The following UBXN8 variants were observed in gnomAD, a reference collection of about 807,000 sequenced individuals.
The protein encoded by UBXN8 is UBX domain protein 8.
UBXN8 carries 27 observed loss-of-function variants against 32.1 expected under a neutral mutation model. The observed-to-expected ratio is 0.84, with a 90% CI of 0.62 to 1.16. The LOEUF is 1.16. UBXN8 is among the 50% of genes most tolerant of loss of function. UBXN8 has a pLI of 0.00. For missense variants in UBXN8, 306 were observed against 311.4 expected (o/e 0.98, Z 0.13); for synonymous variants, 109 against 111.8 (o/e 0.98, Z 0.16).
chr8:30,758,853 G>A (rs1017117693), intron 5 of UBXN8, among the ~76,000 whole-genome samples: 14 of 149,356 alleles, frequency 9.4e-5, no homozygotes, highest in Admixed American at 6.7e-5. Context: ...TCCTGGAGAT[G>A]AAGTCATTGG....
In UBXN8 at chr8:30,744,669, T is replaced by C. The variant is rs558965300; in HGVS notation, c.88+392T>C. Among the ~76,000 whole-genome samples, 455 of 152,358 alleles carry C rather than the reference T, an allele frequency of 3.0e-3. 3 individuals carry two copies. Among genetic ancestry groups the C allele is most frequent in the African/African-American group, 0.01 (428 of 41,576 alleles). Reference sequence around the variant, plus strand: ...CCAGGCTGGTCTCGAACTCCTGGGTTCAAGAGATCCTCCTGCCTCGGCCTC... The same window carrying C: ...CCAGGCTGGTCTCGAACTCCTGGGTCCAAGAGATCCTCCTGCCTCGGCCTC... On this transcript the variant is annotated intron_variant, in intron 1 of 7. Transcript: ENST00000265616.
At chr8:30,760,059 C>CTTT (rs1239426126) in intron 5 of UBXN8, among the ~76,000 whole-genome samples, 36 of 98,462 alleles carry the variant, frequency 3.7e-4, no homozygotes, top group Admixed American at 1.2e-3. Context: ...ACTGAATTTT[C>CTTT]TTTTCTTTTT....
chr8:30,730,268 G>A (rs1054200512), upstream of UBXN8, among the ~76,000 whole-genome samples: 4 of 152,138 alleles, frequency 2.6e-5, no homozygotes, highest in African/African-American at 4.8e-5. Context: ...GGCACATGGC[G>A]GAGAGGCGTG....
upstream of UBXN8, among the ~76,000 whole-genome samples, chr8:30,739,561 T>TA (rs1247522832): frequency 1.3e-5 from 2 of 151,816 alleles, no homozygotes; most frequent in Admixed American, 1.3e-4. Context: ...AAAAATAAAA[T>TA]AAAAAAACTA....
intron 5 of UBXN8, among the ~76,000 whole-genome samples, chr8:30,758,174 G>A (rs1805714125): frequency 6.6e-6 from 1 of 152,150 alleles, no homozygotes; most frequent in African/African-American, 2.4e-5. Flanking sequence ...GGGATTACAG[G>A]CGTGAGCCAC....
chr8:30,765,026 G>T (rs769396349), intron 7 of UBXN8, among the ~76,000 whole-genome samples: 6 of 152,134 alleles, frequency 3.9e-5, no homozygotes. Flanking sequence ...CTCCAGTCTG[G>T]GAGACAGCAA....
At chr8:30,753,134 C>T (rs373437362) in intron 3 of UBXN8, 29 bp downstream of exon 3, 63 of 1,456,384 alleles carry the variant, frequency 4.3e-5, no homozygotes, top group Middle Eastern at 1.8e-4. Context: ...AGACTTTATG[C>T]GTAGAGAAAT....
At chr8:30,764,781 A>G (rs937307758) in intron 7 of UBXN8, among the ~76,000 whole-genome samples, 8 of 152,170 alleles carry the variant, frequency 5.3e-5, no homozygotes, top group African/African-American at 1.9e-4. Context: ...GCCGGGTACC[A>G]TGGCTCACGC....
At position 30,744,177 on chromosome 8, in the gene UBXN8, C is replaced by A. The variant is rs1351300708; in HGVS notation, c.-13C>A. On this transcript the variant is annotated 5_prime_UTR_variant, in exon 1 of 8. Coordinates refer to ENST00000265616, the MANE Select transcript of UBXN8 (RefSeq NM_005671.4). ...GGGCGGGCTTTCCGCCTGCACCAGG[C>A]GCTTCCGCCACCATGGCTTCACGTG... The A allele has an allele frequency of 3.1e-6, 5 of 1,610,452 alleles. No homozygotes were observed. Among genetic ancestry groups the A allele is most frequent in the Admixed American group, 3.4e-5 (2 of 59,256 alleles).
intron 2 of UBXN8, among the ~76,000 whole-genome samples, 154 bp downstream of exon 2, chr8:30,751,672 G>T (rs1428965753): frequency 6.6e-6 from 1 of 151,960 alleles, no homozygotes; most frequent in East Asian, 1.9e-4. Context: ...TTTTTGTGTT[G>T]GTTTTTAAAC....
chr8:30,744,202 G>A lies in UBXN8; in HGVS notation c.13G>A (p.Gly5Arg), dbSNP rs1162768728. The A allele has an allele frequency of 6.2e-7, 1 of 1,613,524 alleles. No individual in the cohort carries two copies. The highest frequency in any genetic ancestry group is 8.5e-7 in the Non-Finnish European group (1 of 1,179,732). The change falls in exon 1 of 8, where the codon GGG becomes AGG. Residue 5 changes from glycine (G) to arginine (R), a missense_variant. By Grantham distance (125) the Gly-to-Arg change is moderately radical. Transcript: ENST00000265616. Reference protein sequence around the residue: MASRGVVGIFFLSAV... With the variant: MASRRVVGIFFLSAV... ...CGCTTCCGCCACCATGGCTTCACGT[G>A]GGGTTGTTGGCATTTTCTTCCTCTC...
upstream of UBXN8, among the ~76,000 whole-genome samples, chr8:30,730,813 G>A (rs1022807331): frequency 4.1e-4 from 62 of 152,234 alleles, no homozygotes; most frequent in African/African-American, 1.1e-3. Flanking sequence ...TAGTCAAAGC[G>A]CAGAAGACAT....
intron 7 of UBXN8, among the ~76,000 whole-genome samples, chr8:30,766,003 C>G (rs1258289071): frequency 8.6e-5 from 8 of 93,326 alleles, no homozygotes; most frequent in Non-Finnish European, 1.6e-4. Flanking sequence ...GAGCGAGACT[C>G]CCATCTCAAA....
intron 7 of UBXN8, among the ~76,000 whole-genome samples, chr8:30,764,517 T>A (rs1805945299): frequency 6.6e-6 from 1 of 152,098 alleles, no homozygotes; most frequent in Non-Finnish European, 1.5e-5. Context: ...GGAACTTAAA[T>A]CAAGGAAGAG....
At chr8:30,746,045 C>T (rs1414992142) in intron 1 of UBXN8, among the ~76,000 whole-genome samples, 1 of 152,154 alleles carries the variant, frequency 6.6e-6, no homozygotes, top group Non-Finnish European at 1.5e-5. Flanking sequence ...GCCACCGTGC[C>T]CAGCCAGAAA....
chr8:30,739,343 G>C (rs1450929147), upstream of UBXN8, among the ~76,000 whole-genome samples: 1 of 145,882 alleles, frequency 6.9e-6, no homozygotes, highest in African/African-American at 2.5e-5. Flanking sequence ...AGGAGATCAA[G>C]ACCATCCTGG....
intron 6 of UBXN8, among the ~76,000 whole-genome samples, chr8:30,762,593 G>A (rs753187680): frequency 4.3e-4 from 65 of 152,022 alleles, no homozygotes; most frequent in Non-Finnish European, 7.4e-4. Context: ...GGGTTTCACC[G>A]TGTTGGCCAG....
chr8:30,744,187 A>C lies in UBXN8; in HGVS notation c.-3A>C. On this transcript the variant is annotated 5_prime_UTR_variant, in exon 1 of 8. Coordinates refer to ENST00000265616, the MANE Select transcript of UBXN8 (RefSeq NM_005671.4). The stretch of plus-strand genomic sequence containing the variant: ...TCCGCCTGCACCAGGCGCTTCCGCC[A>C]CCATGGCTTCACGTGGGGTTGTTGG... 6 of 1,612,536 alleles carry C rather than the reference A, an allele frequency of 3.7e-6. No individual in the cohort carries two copies. Among genetic ancestry groups the C allele is most frequent in the Non-Finnish European group, 5.1e-6 (6 of 1,179,364 alleles).
intron 2 of UBXN8, among the ~76,000 whole-genome samples, chr8:30,752,420 G>A (rs988318052): frequency 3.3e-5 from 5 of 152,058 alleles, no homozygotes; most frequent in Admixed American, 6.6e-5. Context: ...TGATCCTCTC[G>A]CCTCAGCTTC....
Sources: gnomAD v4.1 joint callset for allele counts (sites outside exome capture counted in the v4.1 genomes callset) on GRCh38, gnomAD v4.1.1 for gene constraint, MANE v1.5 for transcripts, NCBI Gene and HGNC (gene_info 2026-07-23, HGNC 2026-07-21) for gene names.